The following CDH18 variants were observed in gnomAD, a reference collection of about 807,000 sequenced individuals.
CDH18 encodes cadherin 18.
CDH18 carries 31 observed loss-of-function variants against 67.9 expected under a neutral mutation model. That is an observed-to-expected ratio of 0.46 (90% confidence interval 0.34 to 0.62). The LOEUF is 0.62. Ranked by LOEUF, CDH18 falls within the 20% of genes least tolerant of loss-of-function variation. The probability of loss-of-function intolerance (pLI) is 0.01; values close to 1 mark genes in which losing one functional copy is unlikely to be tolerated. For synonymous variants in CDH18, 362 were observed against 347.2 expected, an observed-to-expected ratio of 1.04 and a Z score of -0.48; for missense variants, 890 against 975.5, an observed-to-expected ratio of 0.91 and a Z score of 1.17.
intron 2 of CDH18, among the ~76,000 whole-genome samples, chr5:19,963,240 A>T (rs765694884): frequency 5.9e-5 from 9 of 152,154 alleles, no homozygotes; most frequent in Non-Finnish European, 1.0e-4. Flanking sequence ...AGCAGTTTTC[A>T]TTCCTATCCA....
intron 2 of CDH18, among the ~76,000 whole-genome samples, chr5:20,112,336 A>AT (rs1406081008): frequency 6.6e-6 from 1 of 152,194 alleles, no homozygotes; most frequent in African/African-American, 2.4e-5. Context: ...TTGATTATGA[A>AT]TTTTTTGGTT....
chr5:20,532,781 C>T lies in CDH18; in HGVS notation c.-580+42681G>A, dbSNP rs527750704. ...CTGGAAATTCTTCCAATAGGTTTTA[C>T]AATAATCCATTGTTTAGTTAACCAT... On this transcript the variant is annotated intron_variant, in intron 1 of 14. Coordinates refer to the CDH18 transcript ENST00000507958. Among the ~76,000 whole-genome samples, 3 of 152,130 alleles carry T rather than the reference C, an allele frequency of 2.0e-5. No homozygotes were observed. In the South Asian group the frequency reaches 6.2e-4, roughly 32 times the overall value.
At chr5:20,350,340 A>G (rs1580809695) in intron 1 of CDH18, among the ~76,000 whole-genome samples, 1 of 152,246 alleles carries the variant, frequency 6.6e-6, no homozygotes, top group East Asian at 1.9e-4. Context: ...TCAATGGTTC[A>G]TTTAATTTAA....
chr5:20,382,164 G>A (rs1911822), intron 1 of CDH18, among the ~76,000 whole-genome samples: 27,913 of 152,030 alleles, frequency 0.18, 2,802 homozygotes, highest in African/African-American at 0.24. Context: ...CCAAATACCA[G>A]ATAGAGCAGA....
chr5:20,430,077 C>T (rs1748615722), intron 1 of CDH18, among the ~76,000 whole-genome samples: 1 of 152,040 alleles, frequency 6.6e-6, no homozygotes, highest in African/African-American at 2.4e-5. Context: ...AGAACTAGGG[C>T]CATAACACTC....
At chr5:20,468,957 T>C (rs1162576668) in intron 1 of CDH18, among the ~76,000 whole-genome samples, 2 of 152,236 alleles carry the variant, frequency 1.3e-5, no homozygotes, top group African/African-American at 4.8e-5. Context: ...CAAATGTTAG[T>C]TATCAGTTGA....
At chr5:19,840,703 A>G (rs1782212145) in intron 2 of CDH18, among the ~76,000 whole-genome samples, 1 of 152,166 alleles carries the variant, frequency 6.6e-6, no homozygotes, top group Non-Finnish European at 1.5e-5. Context: ...ACTCTGTCTC[A>G]AAAAATACAA....
chr5:20,286,408 T>C (rs1007199544), intron 1 of CDH18, among the ~76,000 whole-genome samples: 9 of 151,656 alleles, frequency 5.9e-5, no homozygotes, highest in Non-Finnish European at 1.0e-4. Context: ...TACTGATTTC[T>C]ATTGTGATAA....
chr5:19,918,149 A>G (rs1792033061), intron 2 of CDH18, among the ~76,000 whole-genome samples: 1 of 152,208 alleles, frequency 6.6e-6, no homozygotes, highest in African/African-American at 2.4e-5. Flanking sequence ...ACTTATGTAC[A>G]TCGTGTGCCA....
intron 1 of CDH18, among the ~76,000 whole-genome samples, chr5:20,569,543 G>A (rs2434782): frequency 0.029 from 4,373 of 152,138 alleles, 138 homozygotes; most frequent in East Asian, 0.16. Flanking sequence ...CCTGGGAGGT[G>A]GAGGTTGCAG....
intron 1 of CDH18, among the ~76,000 whole-genome samples, chr5:20,332,202 A>G (rs1739249598): frequency 2.0e-5 from 3 of 152,214 alleles, no homozygotes; most frequent in Admixed American, 2.0e-4. Context: ...CTTATTCAAA[A>G]GTTATGTACT....
At chr5:19,805,134 A>G (rs1777902305) in intron 3 of CDH18, among the ~76,000 whole-genome samples, 1 of 151,882 alleles carries the variant, frequency 6.6e-6, no homozygotes, top group Non-Finnish European at 1.5e-5. Context: ...TATTGAGGAG[A>G]TGGGATTTTG....
At chr5:19,498,030 A>G (rs1742634026) in intron 11 of CDH18, among the ~76,000 whole-genome samples, 1 of 152,146 alleles carries the variant, frequency 6.6e-6, no homozygotes, top group African/African-American at 2.4e-5. Context: ...TTATACCTTA[A>G]GGTGAAGAGG....
rs564359593 is a variant in CDH18, at chr5:19,508,190, A to G, written c.1513-5081T>C. Among the ~76,000 whole-genome samples, 3 of 152,094 alleles carry G rather than the reference A, an allele frequency of 2.0e-5. No individual in the cohort carries two copies. In the South Asian group the frequency reaches 6.2e-4, roughly 31 times the overall value. ...TACAAATCACCTTGTCTCTTTCATCATGTAATAGAATTTGCATTCATTGTT... is the reference window on the plus strand; with the variant it reads ...TACAAATCACCTTGTCTCTTTCATCGTGTAATAGAATTTGCATTCATTGTT... On this transcript the variant is annotated intron_variant, in intron 10 of 12. Transcript: ENST00000382275.
intron 10 of CDH18, among the ~76,000 whole-genome samples, chr5:19,517,729 T>C (rs1046656005): frequency 6.6e-6 from 1 of 152,138 alleles, no homozygotes; most frequent in African/African-American, 2.4e-5. Flanking sequence ...TCAGCTATAA[T>C]CATCTTAAAT....
At position 19,640,374 on chromosome 5, in the gene CDH18, A is replaced by T. The variant is rs1753829545; in HGVS notation, c.644-27773T>A. Among the ~76,000 whole-genome samples the T allele has an allele frequency of 2.0e-5, 3 of 152,164 alleles. No homozygotes were observed. The South Asian group carries it at 6.2e-4, about 31-fold the overall frequency. ...GTGTAATGATTTGGTATACGATTGA[A>T]ATTAAGTTTTCATCAACTTAAAATA... On this transcript the variant is annotated intron_variant, in intron 5 of 12. Transcript: ENST00000382275.
chr5:20,002,563 C>T (rs1396237996), intron 2 of CDH18, among the ~76,000 whole-genome samples: 3 of 152,148 alleles, frequency 2.0e-5, no homozygotes, highest in Admixed American at 1.3e-4. Context: ...TAACAATAGA[C>T]ACAACCTCTC....
At chr5:19,517,801 T>C (rs1356073414) in intron 10 of CDH18, among the ~76,000 whole-genome samples, 1 of 152,096 alleles carries the variant, frequency 6.6e-6, no homozygotes, top group African/African-American at 2.4e-5. Flanking sequence ...TATATTACAC[T>C]TGCATGTCCC....
chr5:19,689,087 T>C (rs891155604), intron 5 of CDH18, among the ~76,000 whole-genome samples: 2 of 152,010 alleles, frequency 1.3e-5, no homozygotes, highest in African/African-American at 4.8e-5. Context: ...GGCAAAGAGA[T>C]ACAAAGGGCA....
Sources: gnomAD v4.1 joint callset for allele counts (sites outside exome capture counted in the v4.1 genomes callset) on GRCh38, gnomAD v4.1.1 for gene constraint, MANE v1.5 for transcripts, NCBI Gene and HGNC (gene_info 2026-07-23, HGNC 2026-07-21) for gene names.